JAKMIP2: variants seen among roughly 807,000 people sequenced by gnomAD.
JAKMIP2 encodes the protein janus kinase and microtubule-interacting protein 2.
JAKMIP2 carries 25 observed loss-of-function variants against 115.0 expected under a neutral mutation model. The ratio of observed to expected loss-of-function variants is 0.22; its 90% confidence interval spans 0.16 to 0.30. The LOEUF is 0.30. JAKMIP2 is among the 10% of genes least tolerant of loss of function. The pLI, the probability that JAKMIP2 is intolerant of heterozygous loss-of-function variation, is 1.00. For missense variants in JAKMIP2, 642 were observed against 957.6 expected, an observed-to-expected ratio of 0.67 and a Z score of 4.35; for synonymous variants, 334 against 343.6, an observed-to-expected ratio of 0.97 and a Z score of 0.31.
At chr5:147,629,424 T>C (rs1757255966) in intron 15 of JAKMIP2, among the ~76,000 whole-genome samples, 1 of 152,128 alleles carries the variant, frequency 6.6e-6, no homozygotes, top group African/African-American at 2.4e-5. Flanking sequence ...AATAATTAGC[T>C]TTACTTATTG....
At chr5:147,676,314 C>T (rs1056514452) in intron 1 of JAKMIP2, among the ~76,000 whole-genome samples, 1 of 152,106 alleles carries the variant, frequency 6.6e-6, no homozygotes, top group African/African-American at 2.4e-5. Flanking sequence ...CCAGCCTGGG[C>T]GACAGAGCGA....
chr5:147,701,270 T>C (rs150036848), intron 1 of JAKMIP2, among the ~76,000 whole-genome samples: 98 of 152,266 alleles, frequency 6.4e-4, no homozygotes, highest in African/African-American at 2.3e-3. Context: ...TGTGGTTGAT[T>C]AGTGGAGACA....
At chr5:147,770,542 G>T (rs1755313899) in intron 1 of JAKMIP2, among the ~76,000 whole-genome samples, 1 of 151,900 alleles carries the variant, frequency 6.6e-6, no homozygotes, top group South Asian at 2.1e-4. Context: ...AAACAAAAAA[G>T]CCTCGAGTTG....
At chr5:147,775,839 C>A (rs1351539319) in intron 1 of JAKMIP2, among the ~76,000 whole-genome samples, 1 of 152,122 alleles carries the variant, frequency 6.6e-6, no homozygotes, top group Non-Finnish European at 1.5e-5. Context: ...CATTTTGTAC[C>A]AAGGCATTCG....
At chr5:147,636,844 C>T (rs910499827) in intron 11 of JAKMIP2, 121 bp downstream of exon 11, 23 of 782,038 alleles carry the variant, frequency 2.9e-5, no homozygotes, top group African/African-American at 5.1e-5. Context: ...TAACGCAGTT[C>T]GAGAAAGATC....
At chr5:147,751,267 T>TTTA (rs1754547749) in intron 1 of JAKMIP2, among the ~76,000 whole-genome samples, 1 of 150,662 alleles carries the variant, frequency 6.6e-6, no homozygotes, top group Admixed American at 6.6e-5. Flanking sequence ...TTTTTTTTTT[T>TTTA]TTTTGTATTT....
intron 1 of JAKMIP2, among the ~76,000 whole-genome samples, chr5:147,746,945 T>C (rs1399145997): frequency 6.6e-6 from 1 of 152,194 alleles, no homozygotes; most frequent in East Asian, 1.9e-4. Flanking sequence ...GCCCATAAGT[T>C]AGTGCTTTAA....
chr5:147,728,697 C>A (rs1446348468), intron 1 of JAKMIP2, among the ~76,000 whole-genome samples: 3 of 152,128 alleles, frequency 2.0e-5, no homozygotes, highest in Non-Finnish European at 4.4e-5. Flanking sequence ...CTTAAATAAT[C>A]TTTGGGAAAT....
intron 2 of JAKMIP2, among the ~76,000 whole-genome samples, chr5:147,670,008 A>G (rs1200962918): frequency 6.6e-6 from 1 of 152,226 alleles, no homozygotes; most frequent in Non-Finnish European, 1.5e-5. Flanking sequence ...AGACACTGTG[A>G]CATTTAAATT....
chr5:147,617,991 G>A lies in JAKMIP2; in HGVS notation c.2266C>T (p.Arg756Trp). The A allele has an allele frequency of 1.2e-6, 2 of 1,614,092 alleles. No homozygotes were observed. Among genetic ancestry groups the A allele is most frequent in the Non-Finnish European group, 1.7e-6 (2 of 1,180,006 alleles). ...ELRTAVEKLRRQMLRKSREYD... is the reference protein window; with the variant it reads ...ELRTAVEKLRWQMLRKSREYD... ...TCTCTGCTCTTCCTCAGCATTTGCC[G>A]CCGTAACTTTTCTACTGCCGTCCTC... Residue 756 changes from arginine (R) to tryptophan (W), a missense_variant, in exon 19 of 22, where the codon CGG becomes TGG. Arg to Trp is a moderately radical substitution (Grantham distance 101). Coordinates refer to ENST00000616793, the MANE Select transcript of JAKMIP2 (RefSeq NM_001270941.2).
At chr5:147,743,670 A>G (rs1208724948) in intron 1 of JAKMIP2, among the ~76,000 whole-genome samples, 2 of 152,192 alleles carry the variant, frequency 1.3e-5, no homozygotes, top group Non-Finnish European at 2.9e-5. Flanking sequence ...CCTAATGAGT[A>G]TAAGGATTCT....
At chr5:147,653,106 A>G (rs1369863216) in intron 3 of JAKMIP2, among the ~76,000 whole-genome samples, 1 of 152,108 alleles carries the variant, frequency 6.6e-6, no homozygotes. Context: ...TTCAGTCTAT[A>G]TAATTGATGG....
intron 1 of JAKMIP2, among the ~76,000 whole-genome samples, chr5:147,734,932 A>G (rs1753864740): frequency 1.3e-5 from 2 of 152,178 alleles, no homozygotes; most frequent in Non-Finnish European, 2.9e-5. Flanking sequence ...AGGTATCCCG[A>G]GGCCCTTGTA....
intron 1 of JAKMIP2, among the ~76,000 whole-genome samples, chr5:147,739,520 G>A (rs1023858603): frequency 2.6e-5 from 4 of 152,102 alleles, no homozygotes; most frequent in Non-Finnish European, 5.9e-5. Context: ...TGGTGCATGA[G>A]ACGAACAGAG....
chr5:147,650,138 TG>T (rs1758325028), intron 4 of JAKMIP2, among the ~76,000 whole-genome samples, 199 bp downstream of exon 4: 1 of 152,230 alleles, frequency 6.6e-6, no homozygotes, highest in Admixed American at 6.5e-5. Context: ...CTATCTCATG[TG>T]ATCTGCTAAT....
Position 147,644,174 on chromosome 5 carries a change from G to A in JAKMIP2, c.1108C>T (p.Pro370Ser). 1.9e-6 allele frequency: 3 copies of A among 1,592,558 alleles called. No individual in the cohort carries two copies. The highest frequency in any genetic ancestry group is 2.6e-6 in the Non-Finnish European group (3 of 1,164,566). The part of the protein sequence containing the change: ...EMREKITSHP[P>S]LKKLKSLNDL... ...TTCAGAGATTTTAATTTCTTCAGGGGTGGATGGGATGTTATTTTTTCTCTC... is the reference window on the plus strand; with the variant it reads ...TTCAGAGATTTTAATTTCTTCAGGGATGGATGGGATGTTATTTTTTCTCTC... Residue 370 changes from proline to serine, a missense_variant, in exon 7 of 22, where the codon CCC (proline) becomes TCC (serine). By Grantham distance (74) the Pro-to-Ser change is moderately conservative. Coordinates refer to ENST00000616793, the MANE Select transcript of JAKMIP2 (RefSeq NM_001270941.2).
At chr5:147,608,803 G>C (rs1250641214) in intron 20 of JAKMIP2, among the ~76,000 whole-genome samples, 2 of 152,144 alleles carry the variant, frequency 1.3e-5, no homozygotes, top group Admixed American at 1.3e-4. Flanking sequence ...TAACGTGTGT[G>C]AGTCTAAGTC....
At chr5:147,645,055 G>A in intron 5 of JAKMIP2, 59 bp from the exon 6 acceptor site, 1 of 1,559,156 alleles carries the variant, frequency 6.4e-7, no homozygotes, top group Admixed American at 1.8e-5. Context: ...GGGCAGGGGA[G>A]TAAAGTGGTG....
rs116705733 is a variant in JAKMIP2 at position 147,773,591 on chromosome 5, G to A, written c.-149+8865C>T. 3.2e-3 allele frequency among the ~76,000 whole-genome samples: 480 copies of A among 152,188 alleles called. 1 individual carries two copies. The highest frequency in any genetic ancestry group is 0.011 in the African/African-American group (463 of 41,546). On this transcript the variant is annotated intron_variant, in intron 1 of 21. Coordinates refer to ENST00000616793, the MANE Select transcript of JAKMIP2 (RefSeq NM_001270941.2). Reference sequence around the variant, plus strand: ...GCTTGATTTCAATAACCGTACGTAGGATGAAAGGAGAAAAACATAAAGTCA... The same window carrying A: ...GCTTGATTTCAATAACCGTACGTAGAATGAAAGGAGAAAAACATAAAGTCA...
Sources: gnomAD v4.1 joint callset for allele counts (sites outside exome capture counted in the v4.1 genomes callset) on GRCh38, gnomAD v4.1.1 for gene constraint, MANE v1.5 for transcripts, NCBI Gene and HGNC (gene_info 2026-07-23, HGNC 2026-07-21) for gene names.